Variants in PRKN observed in about 807,000 individuals in gnomAD.
PRKN encodes the protein E3 ubiquitin-protein ligase parkin.
A neutral mutation model predicts 59.5 loss-of-function variants in PRKN; 56 were observed. The ratio of observed to expected loss-of-function variants is 0.94; its 90% CI spans 0.76 to 1.18. The LOEUF is 1.18. Ranked by LOEUF, PRKN falls within the 50% of genes most tolerant of loss-of-function variation. The probability of loss-of-function intolerance (pLI) is 0.00; values close to 1 mark genes in which losing one functional copy is unlikely to be tolerated. For synonymous variants in PRKN, 250 were observed against 222.1 expected (o/e 1.13, Z -1.12); for missense variants, 657 against 596.4 (o/e 1.10, Z -1.06).
intron 2 of PRKN, among the ~76,000 whole-genome samples, chr6:162,293,288 G>C (rs1781523362): frequency 6.6e-6 from 1 of 152,194 alleles, no homozygotes; most frequent in Non-Finnish European, 1.5e-5. Flanking sequence ...GATAAGAAGA[G>C]GGAAAGAACC....
intron 9 of PRKN, among the ~76,000 whole-genome samples, chr6:161,438,273 A>G (rs1425217783): frequency 7.4e-6 from 1 of 134,792 alleles, no homozygotes; most frequent in African/African-American, 3.0e-5. Flanking sequence ...GCTGGATTGC[A>G]ATGGCGTGAT....
At chr6:162,601,248 T>C (rs2128216775) in intron 1 of PRKN, among the ~76,000 whole-genome samples, 1 of 152,062 alleles carries the variant, frequency 6.6e-6, no homozygotes, top group Non-Finnish European at 1.5e-5. Flanking sequence ...TATCTAATCC[T>C]AATTACCCTC....
At chr6:162,390,396 T>TATATATATATATATATATATATAC (rs1180636201) in intron 2 of PRKN, among the ~76,000 whole-genome samples, 1,258 of 83,304 alleles carry the variant, frequency 0.015, 7 homozygotes, top group Non-Finnish European at 0.021. Flanking sequence ...TATATATATA[T>TATATATATATATATATATATATAC]ACACACACAC....
At chr6:161,387,756 G>A (rs1786327571) in intron 9 of PRKN, among the ~76,000 whole-genome samples, 1 of 152,180 alleles carries the variant, frequency 6.6e-6, no homozygotes, top group Non-Finnish European at 1.5e-5. Context: ...TAATGGATAG[G>A]TGGAAGCAGG....
chr6:162,495,394 T>C (rs1440373898), intron 1 of PRKN, among the ~76,000 whole-genome samples: 1 of 152,144 alleles, frequency 6.6e-6, no homozygotes, highest in Admixed American at 6.5e-5. Context: ...TCTCAAATAT[T>C]TTGAAATGGT....
chr6:161,646,095 CGG>C, intron 7 of PRKN, among the ~76,000 whole-genome samples: 1 of 86,160 alleles, frequency 1.2e-5, no homozygotes, highest in African/African-American at 4.2e-5. Flanking sequence ...GCGTGCGTGG[CGG>C]AGGAGGCGGC....
intron 2 of PRKN, among the ~76,000 whole-genome samples, chr6:162,386,776 T>C (rs772864812): frequency 2.0e-5 from 3 of 152,230 alleles, no homozygotes; most frequent in Non-Finnish European, 2.9e-5. Context: ...AATTGGTAGG[T>C]TGTATTGAGA....
chr6:162,052,964 C>A (rs1777708447), intron 5 of PRKN, among the ~76,000 whole-genome samples: 1 of 151,998 alleles, frequency 6.6e-6, no homozygotes. Context: ...CATTTGTATA[C>A]ATGTAAACGT....
At chr6:162,235,969 GAAAGAAAGA>G (rs1562602390) in intron 3 of PRKN, among the ~76,000 whole-genome samples, 15 of 76,626 alleles carry the variant, frequency 2.0e-4, no homozygotes, top group Non-Finnish European at 2.8e-4. Flanking sequence ...AAGAAAGAAA[GAAAGAAAGA>G]AAGAAAGAAA....
At position 161,348,074 on chromosome 6, in the gene PRKN, CCAACGCAG is replaced by C. The variant is rs1784401408; in HGVS notation, c.*2017_*2024del. ...CAAACCTTGTTCAGGCACCGCAAGC[CCAACGCAG>C]CATGCAGATTGGGAAGGCGCAATAA... is the stretch of plus-strand genomic sequence containing the variant. On this transcript the variant is annotated 3_prime_UTR_variant, in exon 12 of 12. Coordinates refer to ENST00000366898, the MANE Select transcript of PRKN (RefSeq NM_004562.3). This position sits in a 1 kb window ranked among gnomAD's most constrained non-coding sequence, Gnocchi z 4.9. 2 of 186,628 alleles carry C rather than the reference CCAACGCAG, an allele frequency of 1.1e-5. No individual in the cohort carries two copies. Among genetic ancestry groups the C allele is most frequent in the Non-Finnish European group, 1.1e-5 (1 of 88,504 alleles). The allele number at this position is 186,628 out of a possible 1,614,324, so 11.6% of individuals were successfully genotyped here.
rs1296792630 is a variant in PRKN, at chr6:161,458,843, G to T, written c.1084-71966C>A. Among the ~76,000 whole-genome samples, 1 of 152,104 alleles carries T rather than the reference G, an allele frequency of 6.6e-6. No homozygotes were observed. The highest frequency in any genetic ancestry group is 1.5e-5 in the Non-Finnish European group (1 of 68,018). On this transcript the variant is annotated intron_variant, in intron 9 of 11. Coordinates refer to ENST00000366898, the MANE Select transcript of PRKN (RefSeq NM_004562.3). The surrounding 1 kb of genome is among the most constrained non-coding windows in gnomAD (Gnocchi z 6.1). ...ATTCGTAAATTTTTAGGAAAGTGAA[G>T]AGCATATGGTCACTATGACTTGCTA...
chr6:162,333,627 A>G (rs1335967973), intron 2 of PRKN, among the ~76,000 whole-genome samples: 2 of 152,144 alleles, frequency 1.3e-5, no homozygotes, highest in Admixed American at 6.6e-5. Flanking sequence ...CCTGTTAGAC[A>G]CTGTCTCTGT....
intron 7 of PRKN, among the ~76,000 whole-genome samples, chr6:161,709,235 G>A (rs545942378): frequency 1.3e-5 from 2 of 152,252 alleles, no homozygotes; most frequent in South Asian, 4.1e-4. Flanking sequence ...TATATATGCT[G>A]CTTTCTGAGA....
chr6:162,476,771 G>A (rs1256036192), intron 1 of PRKN, among the ~76,000 whole-genome samples: 1 of 152,122 alleles, frequency 6.6e-6, no homozygotes, highest in African/African-American at 2.4e-5. Context: ...TTCATGTGGA[G>A]GTGCATGCCA....
At position 161,858,115 on chromosome 6, in the gene PRKN, A is replaced by T. The variant is rs773518377; in HGVS notation, c.735-72207T>A. On this transcript the variant is annotated intron_variant, in intron 6 of 11. Coordinates refer to ENST00000366898, the MANE Select transcript of PRKN (RefSeq NM_004562.3). ...AAAGCAGGTACTAATAATGGAACAA[A>T]AATAATAAAGTGCTTGCCAGGGTAG... Among the ~76,000 whole-genome samples the T allele has an allele frequency of 1.1e-3, 171 of 152,352 alleles. 3 individuals carry two copies. Among genetic ancestry groups the T allele is most frequent in the Non-Finnish European group, 2.8e-4 (19 of 68,036 alleles).
At chr6:162,595,093 G>A (rs1363155631) in intron 1 of PRKN, among the ~76,000 whole-genome samples, 1 of 151,976 alleles carries the variant, frequency 6.6e-6, no homozygotes, top group Non-Finnish European at 1.5e-5. Context: ...AGAATGGCGT[G>A]AACCTGAGAG....
At chr6:162,551,684 A>G (rs1441485191) in intron 1 of PRKN, among the ~76,000 whole-genome samples, 1 of 152,192 alleles carries the variant, frequency 6.6e-6, no homozygotes, top group Admixed American at 6.5e-5. Context: ...TGTTGAGGGC[A>G]GAGTAAGTTC....
At position 161,467,103 on chromosome 6, in the gene PRKN, C is replaced by T. The variant is rs559515927; in HGVS notation, c.1084-80226G>A. 6.6e-6 allele frequency among the ~76,000 whole-genome samples: 1 copy of T among 152,276 alleles called. No individual in the cohort carries two copies. On this transcript the variant is annotated intron_variant, in intron 9 of 11. Coordinates refer to ENST00000366898, the MANE Select transcript of PRKN (RefSeq NM_004562.3). The surrounding 1 kb of genome is among the most constrained non-coding windows in gnomAD (Gnocchi z 4.3). ...TCACTGTTGCCTCTGGATTAAAAAG[C>T]CTCTCTCATTACTGCTCATCAGTGT... is the stretch of plus-strand genomic sequence containing the variant.
At chr6:162,291,595 G>C (rs1781430851) in intron 2 of PRKN, among the ~76,000 whole-genome samples, 1 of 152,118 alleles carries the variant, frequency 6.6e-6, no homozygotes, top group African/African-American at 2.4e-5. Flanking sequence ...CTGCTCGAAA[G>C]TCAGGTGAAG....
Sources: allele counts gnomAD v4.1 joint callset (sites outside exome capture counted in the v4.1 genomes callset), GRCh38; gene constraint gnomAD v4.1.1; non-coding constraint Gnocchi (gnomAD v3.1); transcripts MANE v1.5; gene names NCBI Gene and HGNC (gene_info 2026-07-23, HGNC 2026-07-21).